The following RYR3 variants were observed in gnomAD, a reference collection of about 807,000 sequenced individuals.
The protein encoded by RYR3 is brain ryanodine receptor-calcium release channel.
In RYR3, 207 loss-of-function variants were observed where a neutral mutation model predicts 584.3. That is an observed-to-expected ratio of 0.35 (90% confidence interval 0.32 to 0.40). RYR3 has a LOEUF of 0.40. RYR3 is among the 10% of genes least tolerant of loss of function. RYR3 has a pLI of 1.00. For missense variants in RYR3, 5,616 were observed against 6,089.2 expected (o/e 0.92, Z 2.59); for synonymous variants, 2,416 against 2,248.5 (o/e 1.07, Z -2.11).
intron 3 of RYR3, among the ~76,000 whole-genome samples, chr15:33,514,885 T>C (rs2053368920): frequency 1.3e-5 from 2 of 151,952 alleles, no homozygotes; most frequent in South Asian, 4.1e-4. Flanking sequence ...GCGCCTGTAG[T>C]CCCAGCTACT....
intron 102 of RYR3, among the ~76,000 whole-genome samples, chr15:33,861,983 T>C (rs2153020532): frequency 6.6e-6 from 1 of 152,152 alleles, no homozygotes; most frequent in African/African-American, 2.4e-5. Context: ...AACTAATAAG[T>C]GTTTCACTTA....
intron 32 of RYR3, among the ~76,000 whole-genome samples, chr15:33,658,089 A>G (rs1441303240): frequency 1.3e-5 from 2 of 152,234 alleles, no homozygotes; most frequent in East Asian, 1.9e-4. Flanking sequence ...GCATATATTT[A>G]TTAGCCCATG....
intron 1 of RYR3, among the ~76,000 whole-genome samples, chr15:33,366,178 A>G (rs11396172): frequency 1.3e-5 from 2 of 151,318 alleles, no homozygotes; most frequent in African/African-American, 4.9e-5. Context: ...GCTTCACATA[A>G]TAGGTAATTG....
chr15:33,435,493 C>T (rs1030393485), intron 1 of RYR3, among the ~76,000 whole-genome samples: 2 of 152,266 alleles, frequency 1.3e-5, no homozygotes, highest in East Asian at 1.9e-4. Flanking sequence ...TCACATCCTA[C>T]TGTAATAAAC....
intron 1 of RYR3, among the ~76,000 whole-genome samples, chr15:33,387,457 A>AGG (rs2041683779): frequency 6.6e-6 from 1 of 152,180 alleles, no homozygotes; most frequent in Admixed American, 6.5e-5. Context: ...AACAGGGCAC[A>AGG]GGGGTTCCAA....
chr15:33,449,522 A>T (rs2046936744), intron 1 of RYR3, among the ~76,000 whole-genome samples: 2 of 152,202 alleles, frequency 1.3e-5, no homozygotes, highest in South Asian at 4.1e-4. Context: ...GCTATTCAAG[A>T]GGTTTCTACA....
intron 38 of RYR3, among the ~76,000 whole-genome samples, chr15:33,684,551 C>G (rs2064856192): frequency 6.6e-6 from 1 of 152,122 alleles, no homozygotes; most frequent in Non-Finnish European, 1.5e-5. Flanking sequence ...AGGAAAACTT[C>G]CCCAATGTAG....
intron 2 of RYR3, 22 bp downstream of exon 2, chr15:33,473,560 A>G (rs2245508): frequency 0.59 from 943,653 of 1,611,912 alleles, 280,440 homozygotes; most frequent in African/African-American, 0.85. Flanking sequence ...TGTCCGCCCT[A>G]CACCTTCTTC....
At chr15:33,388,364 T>A (rs2041769557) in intron 1 of RYR3, among the ~76,000 whole-genome samples, 1 of 152,194 alleles carries the variant, frequency 6.6e-6, no homozygotes, top group African/African-American at 2.4e-5. Context: ...AAATAATAAT[T>A]TCAACCCAAT....
At position 33,479,104 on chromosome 15, in the gene RYR3, T is replaced by TGGG. The variant is rs33996975; in HGVS notation, c.171+5568_171+5569insGGG. On this transcript the variant is annotated intron_variant, in intron 2 of 103. Coordinates refer to ENST00000634891, the MANE Select transcript of RYR3 (RefSeq NM_001036.6). ...TTTTCATCTCCTGTTTGCAGAATGA[T>TGGG]GGAATAGTGTGCTATTGTTTGAGAG... is the stretch of plus-strand genomic sequence containing the variant. Among the ~76,000 whole-genome samples the TGGG allele has an allele frequency of 3.9e-3, 598 of 151,394 alleles. 3 individuals are homozygous for TGGG. The highest frequency in any genetic ancestry group is 0.014 in the African/African-American group (563 of 41,314).
At chr15:33,392,329 ACC>A (rs1447147046) in intron 1 of RYR3, among the ~76,000 whole-genome samples, 1 of 151,310 alleles carries the variant, frequency 6.6e-6, no homozygotes, top group Non-Finnish European at 1.5e-5. Context: ...ATTTCAAGGT[ACC>A]TATGATTATA....
intron 34 of RYR3, among the ~76,000 whole-genome samples, chr15:33,660,931 T>C (rs4780142): frequency 0.83 from 126,203 of 152,190 alleles, 55,200 homozygotes; most frequent in Non-Finnish European, 0.97. Flanking sequence ...AAAGGGTTTC[T>C]GGGAGGAAAA....
chr15:33,722,989 C>A, intron 44 of RYR3, 94 bp downstream of exon 44: 1 of 1,146,838 alleles, frequency 8.7e-7, no homozygotes, highest in Non-Finnish European at 1.2e-6. Context: ...ATAGAGAAAG[C>A]ACATGTTCTT....
At chr15:33,437,929 C>A (rs1193074202) in intron 1 of RYR3, among the ~76,000 whole-genome samples, 1 of 152,086 alleles carries the variant, frequency 6.6e-6, no homozygotes, top group East Asian at 1.9e-4. Flanking sequence ...TGCCATGTTG[C>A]CCAGGCTGGC....
At chr15:33,741,044 C>T (rs1053422206) in intron 51 of RYR3, among the ~76,000 whole-genome samples, 4 of 152,186 alleles carry the variant, frequency 2.6e-5, no homozygotes, top group African/African-American at 4.8e-5. Context: ...AAGCAAATGG[C>T]GTAGTAACTT....
intron 67 of RYR3, among the ~76,000 whole-genome samples, chr15:33,794,177 C>A (rs1161196827): frequency 2.5e-5 from 2 of 79,998 alleles, no homozygotes; most frequent in African/African-American, 7.3e-5. Flanking sequence ...TACAAATATA[C>A]ATTATATATA....
At chr15:33,755,224 T>A in intron 58 of RYR3, 44 bp downstream of exon 58, 1 of 1,122,258 alleles carries the variant, frequency 8.9e-7, no homozygotes, top group Non-Finnish European at 1.3e-6. Context: ...CAATATTCTT[T>A]TATCAAGAAA....
At chr15:33,368,695 G>A (rs571310631) in intron 1 of RYR3, among the ~76,000 whole-genome samples, 1 of 152,024 alleles carries the variant, frequency 6.6e-6, no homozygotes, top group Non-Finnish European at 1.5e-5. Context: ...TCCTTCCCAT[G>A]CACCTTGTCG....
In RYR3 at chr15:33,707,005, T is replaced by C; in HGVS notation, c.6570T>C (p.Ile2190=). ...KGYPDVGWNP[I]EGERYLSFLR... ...ACCCTGATGTCGGCTGGAACCCCAT[T>C]GAAGGGGAACGCTACCTGTCCTTCC... The change falls in exon 43 of 104, where the codon ATT becomes ATC. Residue 2190 remains isoleucine, a synonymous_variant. Transcript: ENST00000634891. 4 of 1,614,000 alleles carry C rather than the reference T, an allele frequency of 2.5e-6. No homozygotes were observed. The highest frequency in any genetic ancestry group is 3.4e-6 in the Non-Finnish European group (4 of 1,179,936).
Sources: allele counts gnomAD v4.1 joint callset (sites outside exome capture counted in the v4.1 genomes callset), GRCh38; gene constraint gnomAD v4.1.1; transcripts MANE v1.5; gene names NCBI Gene and HGNC (gene_info 2026-07-23, HGNC 2026-07-21).